The following TMEM178B variants were observed in gnomAD, a reference collection of about 807,000 sequenced individuals.
TMEM178B encodes the protein transmembrane protein 178B.
A neutral mutation model predicts 31.0 loss-of-function variants in TMEM178B; 5 were observed. The ratio of observed to expected loss-of-function variants is 0.16; its 90% CI spans 0.08 to 0.34. The LOEUF is 0.34. Among genes scored for constraint, TMEM178B ranks in the 10% least tolerant of loss-of-function variants. TMEM178B has a pLI of 1.00. For missense variants in TMEM178B, 275 were observed against 400.3 expected, an observed-to-expected ratio of 0.69 and a Z score of 2.67; for synonymous variants, 164 against 164.0, an observed-to-expected ratio of 1.00 and a Z score of 0.00.
chr7:141,357,426 A>G (rs1396979425), intron 2 of TMEM178B, among the ~76,000 whole-genome samples: 2 of 152,326 alleles, frequency 1.3e-5, no homozygotes, highest in South Asian at 2.1e-4. Context: ...TATGTACATT[A>G]TTCATTGCAT....
At position 141,364,631 on chromosome 7, in the gene TMEM178B, G is replaced by T. The variant is rs146275578; in HGVS notation, c.497-72977G>T. Among the ~76,000 whole-genome samples the T allele has an allele frequency of 3.7e-3, 496 of 134,744 alleles. 1 individual carries two copies. The highest frequency in any genetic ancestry group is 0.012 in the African/African-American group (434 of 34,900). 88.4% of individuals were successfully genotyped at this position (134,744 alleles called of 152,430 possible). ...GCCAAAATCATGCCACTGTACTCCA[G>T]CCTGGGTGACAGAGTGAGACTCTGT... On this transcript the variant is annotated intron_variant, in intron 2 of 3. Transcript: ENST00000565468.
At chr7:141,296,599 G>T (rs1798638711) in intron 2 of TMEM178B, among the ~76,000 whole-genome samples, 1 of 152,152 alleles carries the variant, frequency 6.6e-6, no homozygotes, top group African/African-American at 2.4e-5. Context: ...GAGTCTTAGA[G>T]ACCTAGGGTT....
At chr7:141,489,399 C>A in the TMEM178B span, among the ~76,000 whole-genome samples, 3 of 152,200 alleles carry the variant, frequency 2.0e-5, no homozygotes, top group Non-Finnish European at 2.9e-5. Flanking sequence ...AGCTAAGCTG[C>A]CGGTTGGCTT....
intron 2 of TMEM178B, among the ~76,000 whole-genome samples, chr7:141,274,681 T>C (rs1393451677): frequency 6.6e-6 from 1 of 152,206 alleles, no homozygotes; most frequent in African/African-American, 2.4e-5. Flanking sequence ...AAGAATAGGC[T>C]GTTTCTTTGG....
chr7:141,501,618 C>A, the TMEM178B span, among the ~76,000 whole-genome samples: 3 of 151,964 alleles, frequency 2.0e-5, no homozygotes, highest in Admixed American at 2.0e-4. Context: ...AACAAATTAC[C>A]CTCTGTAATA....
At chr7:141,146,693 G>A (rs990291497) in intron 1 of TMEM178B, among the ~76,000 whole-genome samples, 5 of 152,184 alleles carry the variant, frequency 3.3e-5, no homozygotes, top group East Asian at 1.9e-4. Flanking sequence ...GCAGCATGGC[G>A]TTTGGCCTGT....
At chr7:141,345,583 A>G (rs573890843) in intron 2 of TMEM178B, among the ~76,000 whole-genome samples, 1 of 152,314 alleles carries the variant, frequency 6.6e-6, no homozygotes, top group South Asian at 2.1e-4. Context: ...ATGTTCAAGT[A>G]TTAGGTGATT....
At chr7:141,230,131 A>G (rs1797417443) in intron 2 of TMEM178B, among the ~76,000 whole-genome samples, 1 of 152,122 alleles carries the variant, frequency 6.6e-6, no homozygotes, top group African/African-American at 2.4e-5. Context: ...GTTTATGTTG[A>G]ACTAGTTTTG....
chr7:141,337,030 C>A, intron 2 of TMEM178B, among the ~76,000 whole-genome samples: 1 of 85,264 alleles, frequency 1.2e-5, no homozygotes, highest in Admixed American at 1.1e-4. Flanking sequence ...CCACCATCAC[C>A]ACCACCACCA....
chr7:141,173,883 A>G (rs1796385443), intron 1 of TMEM178B, among the ~76,000 whole-genome samples: 1 of 152,192 alleles, frequency 6.6e-6, no homozygotes, highest in African/African-American at 2.4e-5. Flanking sequence ...TGCCAACTCA[A>G]GCAAGGGGAA....
At position 141,467,837 on chromosome 7, in the gene TMEM178B, G is replaced by A. The variant is rs531689154; in HGVS notation, c.635-2699G>A. On this transcript the variant is annotated intron_variant, in intron 3 of 3. Coordinates refer to ENST00000565468, the MANE Select transcript of TMEM178B (RefSeq NM_001195278.2). ...CCCCAGGTGGGATTATTTTCTTAAAGTGAAATTACTAGGACGAAGGTATGA... is the reference window on the plus strand; with the variant it reads ...CCCCAGGTGGGATTATTTTCTTAAAATGAAATTACTAGGACGAAGGTATGA... 5.9e-4 allele frequency among the ~76,000 whole-genome samples: 89 copies of A among 152,098 alleles called. 1 individual carries two copies. Among genetic ancestry groups the A allele is most frequent in the Non-Finnish European group, 1.2e-3 (81 of 68,030 alleles).
intron 2 of TMEM178B, among the ~76,000 whole-genome samples, chr7:141,284,894 G>A (rs1312229266): frequency 6.6e-6 from 1 of 152,030 alleles, no homozygotes; most frequent in Non-Finnish European, 1.5e-5. Context: ...GATTCAGTAG[G>A]GAGCCAAGAA....
chr7:141,443,126 G>T (rs113056595), intron 3 of TMEM178B, among the ~76,000 whole-genome samples: 1 of 152,162 alleles, frequency 6.6e-6, no homozygotes, highest in Non-Finnish European at 1.5e-5. Context: ...ATTTTTAATA[G>T]ACCTTATTTT....
the TMEM178B span, among the ~76,000 whole-genome samples, chr7:141,485,639 C>T: frequency 6.6e-6 from 1 of 152,224 alleles, no homozygotes; most frequent in Admixed American, 6.5e-5. Context: ...AAAGCAGATC[C>T]TTCATAAAGA....
chr7:141,262,552 C>T (rs1798031322), intron 2 of TMEM178B, among the ~76,000 whole-genome samples: 1 of 143,824 alleles, frequency 7.0e-6, no homozygotes, highest in Non-Finnish European at 1.5e-5. Flanking sequence ...AATGGCAAAG[C>T]AAAAATGGAA....
chr7:141,300,616 C>G (rs1798706933), intron 2 of TMEM178B, among the ~76,000 whole-genome samples: 1 of 152,144 alleles, frequency 6.6e-6, no homozygotes, highest in Non-Finnish European at 1.5e-5. Context: ...CTCGGATCCT[C>G]CCATCTCTCA....
At chr7:141,167,988 G>A (rs1325490440) in intron 1 of TMEM178B, among the ~76,000 whole-genome samples, 2 of 152,164 alleles carry the variant, frequency 1.3e-5, no homozygotes, top group Non-Finnish European at 2.9e-5. Context: ...AACATTTATT[G>A]TGAATTTGCT....
chr7:141,166,460 C>G (rs1352510732), intron 1 of TMEM178B, among the ~76,000 whole-genome samples: 1 of 152,194 alleles, frequency 6.6e-6, no homozygotes, highest in Non-Finnish European at 1.5e-5. Flanking sequence ...TTGCTTTCCC[C>G]AGAACATATT....
intron 3 of TMEM178B, among the ~76,000 whole-genome samples, chr7:141,450,441 T>C (rs867744276): frequency 3.3e-5 from 5 of 152,226 alleles, no homozygotes; most frequent in Non-Finnish European, 7.3e-5. Flanking sequence ...ATAAGAGATA[T>C]ATTAGCTGTT....
Sources: gnomAD v4.1 joint callset for allele counts (sites outside exome capture counted in the v4.1 genomes callset) on GRCh38, gnomAD v4.1.1 for gene constraint, MANE v1.5 for transcripts, NCBI Gene and HGNC (gene_info 2026-07-23, HGNC 2026-07-21) for gene names.